The following NR1H4 variants were observed in gnomAD, a reference collection of about 807,000 sequenced individuals.
The protein encoded by NR1H4 is bile acid receptor.
NR1H4 carries 23 observed loss-of-function variants against 58.5 expected under a neutral mutation model. The observed-to-expected ratio is 0.39, with a 90% CI of 0.28 to 0.56. The LOEUF is 0.56. NR1H4 is among the 20% of genes least tolerant of loss of function. NR1H4 has a pLI of 0.58. For synonymous variants in NR1H4, 214 were observed against 198.0 expected, an observed-to-expected ratio of 1.08 and a Z score of -0.68; for missense variants, 487 against 576.9, an observed-to-expected ratio of 0.84 and a Z score of 1.60.
In NR1H4 at chr12:100,546,697, AAAACAAAC is replaced by A. The variant is rs538848970; in HGVS notation, c.1078+5899_1078+5906del. ...GTGACAGAGTGAGACTCTGTCTCAA[AAAACAAAC>A]AAACAAACAAACAAACAAAATCAAA... On this transcript the variant is annotated intron_variant, in intron 9 of 10. Coordinates refer to ENST00000392986, the MANE Select transcript of NR1H4 (RefSeq NM_001206979.2). 3.2e-3 allele frequency among the ~76,000 whole-genome samples: 487 copies of A among 152,122 alleles called. 4 individuals are homozygous for A. Among genetic ancestry groups the A allele is most frequent in the African/African-American group, 9.2e-3 (381 of 41,514 alleles).
intron 9 of NR1H4, among the ~76,000 whole-genome samples, chr12:100,546,577 C>T (rs1955075545): frequency 6.6e-6 from 1 of 152,018 alleles, no homozygotes; most frequent in African/African-American, 2.4e-5. Flanking sequence ...CACCTGTAAT[C>T]CTAGCTACTC....
rs1003021667 is a variant in NR1H4 at position 100,561,955 on chromosome 12, A to G, written c.1149A>G (p.Gln383=). 5 of 1,572,908 alleles carry G rather than the reference A, an allele frequency of 3.2e-6. No homozygotes were observed. Among genetic ancestry groups the G allele is most frequent in the Non-Finnish European group, 4.4e-6 (5 of 1,142,832 alleles). The part of the protein sequence containing the change: ...YKSIGELKMT[Q]EEYALLTAIV... Reference sequence around the variant, plus strand: ...GTATTGGGGAACTGAAAATGACTCAAGAGGAGTATGCTCTGCTTACAGCAA... The same window carrying G: ...GTATTGGGGAACTGAAAATGACTCAGGAGGAGTATGCTCTGCTTACAGCAA... The change falls in exon 10 of 11, where the codon CAA becomes CAG. Residue 383 remains glutamine (Q), a synonymous_variant. Transcript: ENST00000392986.
rs1267829862 is a variant in NR1H4 at position 100,563,663 on chromosome 12, T to C, written c.*174T>C. The C allele has an allele frequency of 1.6e-6, 1 of 619,524 alleles. No homozygotes were observed. The highest frequency in any genetic ancestry group is 2.9e-6 in the Non-Finnish European group (1 of 350,838). 38.4% of individuals were successfully genotyped at this position (619,524 alleles called of 1,614,324 possible). A position where few individuals can be genotyped will look rare whatever the true frequency, so the allele number is the denominator to read the frequency against. ...TAAATATTGGGCTAGATAGAACAAC[T>C]TTCTCTACATTGTGTTTTAAAAGGC... On this transcript the variant is annotated 3_prime_UTR_variant, in exon 11 of 11. Transcript: ENST00000392986.
At chr12:100,502,294 T>C (rs76044042) in intron 3 of NR1H4, among the ~76,000 whole-genome samples, 1,562 of 152,276 alleles carry the variant, frequency 0.01, 28 homozygotes, top group African/African-American at 0.036. Context: ...CAAAGTAACA[T>C]AGACTGGGTA....
chr12:100,505,723 TA>T, intron 3 of NR1H4: 2 of 634,084 alleles, frequency 3.2e-6, no homozygotes, highest in South Asian at 1.8e-5. Flanking sequence ...ATCTAAATTT[TA>T]ATATGTATTT....
intron 3 of NR1H4, among the ~76,000 whole-genome samples, chr12:100,494,381 T>C (rs1953667649): frequency 6.6e-6 from 1 of 152,212 alleles, no homozygotes; most frequent in South Asian, 2.1e-4. Flanking sequence ...ACAGTACAAA[T>C]GCATTTAAGG....
intron 5 of NR1H4, among the ~76,000 whole-genome samples, chr12:100,533,611 C>CT (rs1400314762): frequency 6.6e-6 from 1 of 152,204 alleles, no homozygotes; most frequent in Non-Finnish European, 1.5e-5. Flanking sequence ...AATGGAAACA[C>CT]TTACTCTGAC....
At position 100,540,689 on chromosome 12, in the gene NR1H4, C is replaced by A. The variant is rs1289667228; in HGVS notation, c.949C>A (p.His317Asn). The A allele has an allele frequency of 1.9e-6, 3 of 1,613,986 alleles. No individual in the cohort carries two copies. The highest frequency in any genetic ancestry group is 2.5e-6 in the Non-Finnish European group (3 of 1,179,990). The change falls in exon 9 of 11, where the codon CAT (histidine) becomes AAT (asparagine). Residue 317 changes from histidine (H) to asparagine (N), a missense_variant. Coordinates refer to ENST00000392986, the MANE Select transcript of NR1H4 (RefSeq NM_001206979.2). ...KKLPGFQTLD[H>N]EDQIALLKGS... The stretch of plus-strand genomic sequence containing the variant: ...TTACCTAGGATTTCAGACTTTGGAC[C>A]ATGAAGACCAGATTGCTTTGCTGAA...
At chr12:100,548,581 C>G (rs1955134589) in intron 9 of NR1H4, among the ~76,000 whole-genome samples, 1 of 152,120 alleles carries the variant, frequency 6.6e-6, no homozygotes, top group South Asian at 2.1e-4. Context: ...TCATTTGACT[C>G]TGCCTGTAGG....
chr12:100,562,343 G>A (rs182547021), intron 10 of NR1H4, among the ~76,000 whole-genome samples: 210 of 152,178 alleles, frequency 1.4e-3, no homozygotes, highest in African/African-American at 4.4e-3. Flanking sequence ...TTCAGAAGGT[G>A]GTAAATGCTA....
chr12:100,552,846 A>G (rs1555196915), intron 9 of NR1H4, among the ~76,000 whole-genome samples: 1 of 152,024 alleles, frequency 6.6e-6, no homozygotes, highest in Non-Finnish European at 1.5e-5. Flanking sequence ...TTGAGCCCCC[A>G]GGAGGCCAAG....
rs185235722 is a variant in NR1H4, at chr12:100,546,578, C to T, written c.1078+5760C>T. On this transcript the variant is annotated intron_variant, in intron 9 of 10. Transcript: ENST00000392986. ...GGCGTGGTGGCAGGCACCTGTAATC[C>T]TAGCTACTCAGGAGGCTGAGGCAGG... Among the ~76,000 whole-genome samples the T allele has an allele frequency of 8.2e-3, 1,251 of 152,118 alleles. 15 individuals are homozygous for T. Among genetic ancestry groups the T allele is most frequent in the Middle Eastern group, 0.02 (6 of 294 alleles).
intron 1 of NR1H4, among the ~76,000 whole-genome samples, chr12:100,479,108 G>A (rs1460972399): frequency 4.0e-5 from 6 of 151,806 alleles, no homozygotes; most frequent in Admixed American, 6.6e-5. Flanking sequence ...TATAGGAATC[G>A]TTTATATATT....
rs149923418 is a variant in NR1H4 at position 100,494,045 on chromosome 12, G to A, written c.79+643G>A. Among the ~76,000 whole-genome samples the A allele has an allele frequency of 1.8e-3, 274 of 152,264 alleles. 5 individuals carry two copies. Among genetic ancestry groups the A allele is most frequent in the East Asian group, 0.015 (80 of 5,182 alleles). ...CAAGGCAATATTTTGGGTGGGACAG[G>A]GAGCCTTTCTGCCAGTGTTAAAATA... On this transcript the variant is annotated intron_variant, in intron 3 of 10. Coordinates refer to ENST00000392986, the MANE Select transcript of NR1H4 (RefSeq NM_001206979.2).
rs200612979 is a variant in NR1H4, at chr12:100,481,618, TA to T, written c.-190+7566del. Among the ~76,000 whole-genome samples, 53 of 151,148 alleles carry T rather than the reference TA, an allele frequency of 3.5e-4. 1 individual carries two copies. The East Asian group carries it at 7.3e-3, about 21-fold the overall frequency. ...GTGAAATCCTGTCTCTACAAAAAAT[TA>T]AAAAAATTAGCTGGGGCTGGGCACG... On this transcript the variant is annotated intron_variant, in intron 1 of 10. Coordinates refer to ENST00000392986, the MANE Select transcript of NR1H4 (RefSeq NM_001206979.2).
chr12:100,494,963 G>A (rs1953682210), intron 3 of NR1H4, among the ~76,000 whole-genome samples: 1 of 152,156 alleles, frequency 6.6e-6, no homozygotes, highest in Admixed American at 6.5e-5. Context: ...AGAGAAAATT[G>A]TAGGGTTTTC....
rs117874998 is a variant in NR1H4, at chr12:100,486,690, G to A, written c.-189-5813G>A. Among the ~76,000 whole-genome samples, 320 of 152,028 alleles carry A rather than the reference G, an allele frequency of 2.1e-3. 4 individuals are homozygous for A. Among genetic ancestry groups the A allele is most frequent in the East Asian group, 0.014 (71 of 5,174 alleles). On this transcript the variant is annotated intron_variant, in intron 1 of 10. Coordinates refer to ENST00000392986, the MANE Select transcript of NR1H4 (RefSeq NM_001206979.2). Reference sequence around the variant, plus strand: ...TAGGAAATGTTGAAAGAGAATGATCGATAATAAGAAAGGATGATATTGATA... The same window carrying A: ...TAGGAAATGTTGAAAGAGAATGATCAATAATAAGAAAGGATGATATTGATA...
intron 3 of NR1H4, chr12:100,505,601 T>C (rs1953940850): frequency 1.4e-6 from 1 of 701,936 alleles, no homozygotes; most frequent in Middle Eastern, 2.3e-4. Flanking sequence ...CTGGAGTCCA[T>C]CCATGTGTTC....
intron 9 of NR1H4, 34 bp downstream of exon 9, chr12:100,540,852 T>C: frequency 6.2e-7 from 1 of 1,611,722 alleles, no homozygotes; most frequent in Non-Finnish European, 8.5e-7. Context: ...AAGAGTTTGT[T>C]TCTAGGAGTA....
Sources: allele counts gnomAD v4.1 joint callset (sites outside exome capture counted in the v4.1 genomes callset), GRCh38; gene constraint gnomAD v4.1.1; transcripts MANE v1.5; gene names NCBI Gene and HGNC (gene_info 2026-07-23, HGNC 2026-07-21).